Variants in EYS observed in about 807,000 individuals in gnomAD.
EYS encodes EGF-like photoreceptor maintenance factor, also known as protein eyes shut homolog.
In EYS, 250 loss-of-function variants were observed where a neutral mutation model predicts 282.1. The ratio of observed to expected loss-of-function variants is 0.89; its 90% CI spans 0.80 to 0.98. EYS has a LOEUF of 0.98. Ranked by LOEUF, EYS falls within the 50% of genes least tolerant of loss-of-function variation. The probability of loss-of-function intolerance (pLI) is 0.00; values close to 1 mark genes in which losing one functional copy is unlikely to be tolerated. For missense variants in EYS, 4,016 were observed against 3,709.0 expected, an observed-to-expected ratio of 1.08 and a Z score of -2.15; for synonymous variants, 1,355 against 1,282.9, an observed-to-expected ratio of 1.06 and a Z score of -1.20.
chr6:64,783,323 CATATCCTATATACAT>C (rs1035738807), intron 22 of EYS, among the ~76,000 whole-genome samples: 2 of 151,000 alleles, frequency 1.3e-5, no homozygotes, highest in African/African-American at 4.9e-5. Context: ...ATCCTATATA[CATATCCTATATACAT>C]ATATCCTATA....
intron 29 of EYS, among the ~76,000 whole-genome samples, chr6:64,317,256 C>T (rs1378659097): frequency 6.6e-6 from 1 of 151,174 alleles, no homozygotes; most frequent in Non-Finnish European, 1.5e-5. Flanking sequence ...AAACTATCAT[C>T]AGAATGGGAG....
At chr6:64,428,679 C>T (rs1774489100) in intron 28 of EYS, among the ~76,000 whole-genome samples, 1 of 152,042 alleles carries the variant, frequency 6.6e-6, no homozygotes, top group South Asian at 2.1e-4. Context: ...TGCCATTATC[C>T]AATTCTTACT....
At chr6:64,864,385 CT>C (rs769240399) in intron 19 of EYS, among the ~76,000 whole-genome samples, 12,227 of 57,094 alleles carry the variant, frequency 0.21, 1,864 homozygotes, top group African/African-American at 0.36. Flanking sequence ...GCTATACCTT[CT>C]TTTTTTTTTT....
At chr6:65,201,702 G>C (rs965947128) in intron 12 of EYS, among the ~76,000 whole-genome samples, 1 of 151,980 alleles carries the variant, frequency 6.6e-6, no homozygotes, top group Non-Finnish European at 1.5e-5. Flanking sequence ...CTCTTATTCT[G>C]TTTTGTCCTA....
At chr6:64,616,910 A>G (rs1256961320) in intron 24 of EYS, among the ~76,000 whole-genome samples, 1 of 151,968 alleles carries the variant, frequency 6.6e-6, no homozygotes, top group Non-Finnish European at 1.5e-5. Context: ...GACTGTGGTC[A>G]AATGCTATTT....
intron 2 of EYS, among the ~76,000 whole-genome samples, chr6:65,577,331 G>A (rs575728356): frequency 1.3e-4 from 20 of 151,800 alleles, no homozygotes; most frequent in African/African-American, 4.8e-4. Context: ...CACAGAATGA[G>A]GAAATGACAG....
At chr6:64,336,792 G>T (rs1770867502) in intron 29 of EYS, among the ~76,000 whole-genome samples, 1 of 151,986 alleles carries the variant, frequency 6.6e-6, no homozygotes, top group Non-Finnish European at 1.5e-5. Context: ...GATCACAGTG[G>T]AATAAAACTG....
At chr6:65,582,880 C>T (rs1764916813) in intron 2 of EYS, among the ~76,000 whole-genome samples, 1 of 151,962 alleles carries the variant, frequency 6.6e-6, no homozygotes, top group Non-Finnish European at 1.5e-5. Flanking sequence ...AAAGATGTAA[C>T]CACATTAAAA....
intron 29 of EYS, among the ~76,000 whole-genome samples, chr6:64,318,913 C>G (rs927532849): frequency 6.6e-6 from 1 of 151,702 alleles, no homozygotes; most frequent in Non-Finnish European, 1.5e-5. Flanking sequence ...GTTCTATGAG[C>G]GTTCCAATTT....
At chr6:64,575,751 G>A (rs987895724) in intron 26 of EYS, among the ~76,000 whole-genome samples, 1 of 152,044 alleles carries the variant, frequency 6.6e-6, no homozygotes, top group African/African-American at 2.4e-5. Flanking sequence ...CCAAGTTTAG[G>A]TTTCAAGTAC....
At chr6:64,417,358 G>T (rs777243553) in intron 28 of EYS, among the ~76,000 whole-genome samples, 19 of 152,110 alleles carry the variant, frequency 1.2e-4, no homozygotes, top group Non-Finnish European at 2.5e-4. Context: ...GGTTTACAAT[G>T]GGTAGCAGTG....
intron 36 of EYS, among the ~76,000 whole-genome samples, chr6:63,844,103 G>A (rs543967595): frequency 6.6e-6 from 1 of 152,140 alleles, no homozygotes; most frequent in African/African-American, 2.4e-5. Context: ...AGAACATGGG[G>A]TGTTTGGTTT....
intron 1 of EYS, among the ~76,000 whole-genome samples, chr6:65,648,735 C>A (rs1004581905): frequency 4.0e-5 from 6 of 151,498 alleles, no homozygotes; most frequent in Non-Finnish European, 7.4e-5. Context: ...ATAAAACAAA[C>A]AGAGAAAAGG....
chr6:64,602,906 C>A lies in EYS; in HGVS notation c.3685-9597G>T, dbSNP rs1050713438. 2.6e-5 allele frequency among the ~76,000 whole-genome samples: 4 copies of A among 151,960 alleles called. No individual in the cohort carries two copies. In the East Asian group the frequency reaches 7.7e-4, roughly 29 times the overall value. ...AAACATGTGTCAGGTAGCTCCTAGG[C>A]TTTAGGGACTAATAAAAACAGAGCC... On this transcript the variant is annotated intron_variant, in intron 24 of 42. Transcript: ENST00000503581.
At chr6:65,106,637 A>G (rs1265921491) in intron 12 of EYS, among the ~76,000 whole-genome samples, 2 of 152,038 alleles carry the variant, frequency 1.3e-5, no homozygotes, top group Non-Finnish European at 2.9e-5. Context: ...GCGTCCTTAT[A>G]TAACTCTGGT....
At chr6:65,472,383 C>T (rs1765247876) in intron 5 of EYS, among the ~76,000 whole-genome samples, 1 of 151,518 alleles carries the variant, frequency 6.6e-6, no homozygotes, top group Admixed American at 6.6e-5. Flanking sequence ...AATTATTTTG[C>T]AAATTATATT....
rs373067929 is a variant in EYS at position 65,255,861 on chromosome 6, A to G, written c.2023+40002T>C. 6.6e-5 allele frequency among the ~76,000 whole-genome samples: 10 copies of G among 152,226 alleles called. No homozygotes were observed. In the East Asian group the frequency reaches 1.9e-3, roughly 29 times the overall value. ...AGACAGGCAATAACAAATGCTGATG[A>G]GGATGTGAGGAAAGGGTAACCCACA... On this transcript the variant is annotated intron_variant, in intron 12 of 42. Coordinates refer to ENST00000503581, the MANE Select transcript of EYS (RefSeq NM_001142800.2).
intron 29 of EYS, among the ~76,000 whole-genome samples, chr6:64,346,907 C>G (rs1374227443): frequency 2.0e-5 from 3 of 151,312 alleles, no homozygotes; most frequent in Non-Finnish European, 4.4e-5. Context: ...TCACTATAAG[C>G]TCTTGATGTA....
Position 65,443,621 on chromosome 6 carries a change from A to C in EYS, c.863-38254T>G, listed in dbSNP as rs145768200. Among the ~76,000 whole-genome samples the C allele has an allele frequency of 6.2e-3, 927 of 150,032 alleles. 5 individuals carry two copies. The highest frequency in any genetic ancestry group is 0.011 in the South Asian group (50 of 4,720). ...ACATCATATACACATATACACACAT[A>C]TAAACATGTGTAGAGGCACATATAT... On this transcript the variant is annotated intron_variant, in intron 5 of 42. Coordinates refer to ENST00000503581, the MANE Select transcript of EYS (RefSeq NM_001142800.2).
Sources: allele counts gnomAD v4.1 joint callset (sites outside exome capture counted in the v4.1 genomes callset), GRCh38; gene constraint gnomAD v4.1.1; transcripts MANE v1.5; gene names NCBI Gene and HGNC (gene_info 2026-07-23, HGNC 2026-07-21).